Variants in SMYD3 observed in about 807,000 individuals in gnomAD.
SMYD3 encodes the protein histone-lysine N-methyltransferase SMYD3.
SMYD3 carries 36 observed loss-of-function variants against 57.7 expected under a neutral mutation model. That is an observed-to-expected ratio of 0.62 (90% confidence interval 0.48 to 0.82). SMYD3 has a LOEUF of 0.82. SMYD3 is among the 40% of genes least tolerant of loss of function. The pLI is 0.00. For missense variants in SMYD3, 515 were observed against 538.8 expected, an observed-to-expected ratio of 0.96 and a Z score of 0.44; for synonymous variants, 211 against 195.0, an observed-to-expected ratio of 1.08 and a Z score of -0.68.
intron 11 of SMYD3, among the ~76,000 whole-genome samples, chr1:245,750,555 T>C (rs1018205521): frequency 6.6e-6 from 1 of 152,256 alleles, no homozygotes; most frequent in Non-Finnish European, 1.5e-5. Context: ...GCCATTCTTA[T>C]GCTGTGTGCC....
intron 5 of SMYD3, among the ~76,000 whole-genome samples, chr1:246,172,871 T>C (rs1236357942): frequency 2.0e-5 from 3 of 148,998 alleles, no homozygotes; most frequent in Non-Finnish European, 4.4e-5. Flanking sequence ...ACACTTAGGC[T>C]ACACAGGCCT....
intron 5 of SMYD3, among the ~76,000 whole-genome samples, chr1:246,208,275 A>G (rs761482723): frequency 6.6e-6 from 1 of 152,082 alleles, no homozygotes; most frequent in Non-Finnish European, 1.5e-5. Flanking sequence ...TGTGAACAAG[A>G]CTGAGGCTAT....
At chr1:245,947,925 T>C (rs369590273) in intron 5 of SMYD3, among the ~76,000 whole-genome samples, 1 of 152,342 alleles carries the variant, frequency 6.6e-6, no homozygotes, top group East Asian at 1.9e-4. Context: ...AAAGATTCTT[T>C]ACTTGGCCAA....
intron 1 of SMYD3, among the ~76,000 whole-genome samples, chr1:246,462,703 G>A (rs1041762024): frequency 4.6e-5 from 7 of 152,160 alleles, no homozygotes; most frequent in Non-Finnish European, 1.0e-4. Context: ...TGGATTTTAT[G>A]TTGTAAGAAA....
At position 246,387,600 on chromosome 1, in the gene SMYD3, T is replaced by C. The variant is rs150116211; in HGVS notation, c.165-32506A>G. Among the ~76,000 whole-genome samples the C allele has an allele frequency of 2.1e-3, 323 of 152,250 alleles. 1 individual carries two copies. Among genetic ancestry groups the C allele is most frequent in the African/African-American group, 7.6e-3 (315 of 41,548 alleles). ...ATCTGACAATAGAAAGCACAGGATA[T>C]TACCAGAACACAGAGCAGAGAGACC... On this transcript the variant is annotated intron_variant, in intron 1 of 11. Transcript: ENST00000490107.
Position 246,121,353 on chromosome 1 carries a change from G to A in SMYD3, c.532-191416C>T, listed in dbSNP as rs192222879. Among the ~76,000 whole-genome samples, 841 of 102,698 alleles carry A rather than the reference G, an allele frequency of 8.2e-3. 9 individuals carry two copies. Among genetic ancestry groups the A allele is most frequent in the Non-Finnish European group, 6.4e-3 (334 of 52,154 alleles). The allele number at this position is 102,698 out of a possible 152,430, so 67.4% of individuals were successfully genotyped here. A position where few individuals can be genotyped will look rare whatever the true frequency, so the allele number is the denominator to read the frequency against. Reference sequence around the variant, plus strand: ...TGGTCGGTCCTCTCTCATGTTTCTTGTTTTGTTTTGTGTTTAGGGTTATTT... The same window carrying A: ...TGGTCGGTCCTCTCTCATGTTTCTTATTTTGTTTTGTGTTTAGGGTTATTT... On this transcript the variant is annotated intron_variant, in intron 5 of 11. Transcript: ENST00000490107.
At chr1:246,275,817 C>T (rs1272001946) in intron 5 of SMYD3, among the ~76,000 whole-genome samples, 5 of 141,794 alleles carry the variant, frequency 3.5e-5, no homozygotes, top group African/African-American at 1.4e-4. Context: ...TATTTAATGC[C>T]TCTAGTGGAG....
At chr1:246,391,774 G>C (rs940906271) in intron 1 of SMYD3, among the ~76,000 whole-genome samples, 1 of 152,124 alleles carries the variant, frequency 6.6e-6, no homozygotes, top group Non-Finnish European at 1.5e-5. Context: ...TAAAGATCCA[G>C]AAGCAAGAGA....
intron 5 of SMYD3, among the ~76,000 whole-genome samples, chr1:246,194,167 G>T (rs1418004548): frequency 6.6e-6 from 1 of 152,118 alleles, no homozygotes; most frequent in African/African-American, 2.4e-5. Context: ...TAACCTGTGG[G>T]TTGTTGTTTT....
intron 5 of SMYD3, among the ~76,000 whole-genome samples, chr1:246,249,295 G>A (rs573844354): frequency 1.6e-3 from 228 of 141,176 alleles, no homozygotes; most frequent in Middle Eastern, 6.9e-3. Flanking sequence ...GTAGAGACAG[G>A]GTTTCACCAT....
At chr1:246,043,601 G>A (rs1239577333) in intron 5 of SMYD3, among the ~76,000 whole-genome samples, 1 of 152,214 alleles carries the variant, frequency 6.6e-6, no homozygotes, top group Admixed American at 6.5e-5. Flanking sequence ...CAGGGCATAG[G>A]TTTCTGGTGA....
chr1:246,210,569 G>A (rs2063069183), intron 5 of SMYD3, among the ~76,000 whole-genome samples: 1 of 151,924 alleles, frequency 6.6e-6, no homozygotes, highest in Non-Finnish European at 1.5e-5. Context: ...AATTAGCTGG[G>A]CGTGGTTGCG....
At chr1:246,450,753 G>A (rs2067621444) in intron 1 of SMYD3, among the ~76,000 whole-genome samples, 1 of 152,176 alleles carries the variant, frequency 6.6e-6, no homozygotes, top group African/African-American at 2.4e-5. Flanking sequence ...GCAAACTGAA[G>A]AATTTGAGAA....
At position 245,809,644 on chromosome 1, in the gene SMYD3, C is replaced by T. The variant is rs557293125; in HGVS notation, c.1077-45495G>A. Among the ~76,000 whole-genome samples the T allele has an allele frequency of 7.9e-5, 12 of 152,252 alleles. No homozygotes were observed. In the South Asian group the frequency reaches 2.3e-3, roughly 29 times the overall value. ...TCCCAAGTAAAGGCTGAAAGCTTGG[C>T]GTGGTTAGGAGGCAAGACGCAGAAA... On this transcript the variant is annotated intron_variant, in intron 10 of 11. Transcript: ENST00000490107.
chr1:246,470,393 G>A (rs2067942566), intron 1 of SMYD3, among the ~76,000 whole-genome samples: 2 of 151,758 alleles, frequency 1.3e-5, no homozygotes, highest in African/African-American at 4.8e-5. Context: ...CTACTCAGGA[G>A]GCCGAGGCAG....
At chr1:245,855,710 G>C (rs1022110308) in intron 10 of SMYD3, among the ~76,000 whole-genome samples, 5 of 152,174 alleles carry the variant, frequency 3.3e-5, no homozygotes, top group African/African-American at 1.2e-4. Context: ...CATAAAAACT[G>C]AGTAAAATCT....
intron 7 of SMYD3, among the ~76,000 whole-genome samples, chr1:245,919,511 C>A (rs1431612574): frequency 6.6e-6 from 1 of 152,180 alleles, no homozygotes; most frequent in Non-Finnish European, 1.5e-5. Flanking sequence ...GAGAAAGCCA[C>A]CCATTTTTGT....
Position 245,946,941 on chromosome 1 carries a change from G to C in SMYD3, c.532-17004C>G, listed in dbSNP as rs150545867. ...TCCTGACTATTGGCCATATTTCTTT[G>C]TTAAGTCACTCTGTCAAAACATAAG... On this transcript the variant is annotated intron_variant, in intron 5 of 11. Transcript: ENST00000490107. 3.5e-3 allele frequency among the ~76,000 whole-genome samples: 538 copies of C among 152,186 alleles called. 2 individuals carry two copies. Among genetic ancestry groups the C allele is most frequent in the African/African-American group, 0.012 (505 of 41,522 alleles).
At chr1:246,205,454 C>T (rs6680198) in intron 5 of SMYD3, among the ~76,000 whole-genome samples, 20,152 of 152,192 alleles carry the variant, frequency 0.13, 3,481 homozygotes, top group African/African-American at 0.4. Flanking sequence ...ATATGAGGGA[C>T]AGTGTTCACT....
Sources: allele counts gnomAD v4.1 joint callset (sites outside exome capture counted in the v4.1 genomes callset), GRCh38; gene constraint gnomAD v4.1.1; transcripts MANE v1.5; gene names NCBI Gene and HGNC (gene_info 2026-07-23, HGNC 2026-07-21).